MARCHF8: variants seen among roughly 807,000 people sequenced by gnomAD.
MARCHF8 encodes the protein E3 ubiquitin-protein ligase MARCHF8.
MARCHF8 carries 40 observed loss-of-function variants against 51.6 expected under a neutral mutation model. That is an observed-to-expected ratio of 0.77 (90% confidence interval 0.60 to 1.01). The LOEUF (loss-of-function observed/expected upper bound fraction) is 1.01, where lower values mean the gene tolerates loss of function less well. Among genes scored for constraint, MARCHF8 ranks in the 50% least tolerant of loss-of-function variants. MARCHF8 has a pLI of 0.00. For synonymous variants in MARCHF8, 263 were observed against 280.3 expected (o/e 0.94, Z 0.62); for missense variants, 685 against 708.6 (o/e 0.97, Z 0.38).
rs115215757 is a variant in MARCHF8, at chr10:45,485,435, T to G, written c.153+3932A>C. Among the ~76,000 whole-genome samples the G allele has an allele frequency of 6.7e-3, 1,028 of 152,304 alleles. 9 individuals are homozygous for G. Among genetic ancestry groups the G allele is most frequent in the African/African-American group, 0.024 (979 of 41,554 alleles). On this transcript the variant is annotated intron_variant, in intron 3 of 7. Coordinates refer to ENST00000453424, the MANE Select transcript of MARCHF8 (RefSeq NM_001282866.2). ...TACAAAATAAGTATTGGGTGAAGAC[T>G]TTGCCATTGTAATTGCTTAAATATC... is the stretch of plus-strand genomic sequence containing the variant.
chr10:45,462,546 T>C (rs758884779), intron 5 of MARCHF8, among the ~76,000 whole-genome samples: 3 of 152,134 alleles, frequency 2.0e-5, no homozygotes, highest in Admixed American at 1.3e-4. Context: ...AGTTTCTTTA[T>C]GCAAAGTCTA....
intron 3 of MARCHF8, among the ~76,000 whole-genome samples, chr10:45,488,493 T>A (rs923969015): frequency 6.6e-6 from 1 of 152,000 alleles, no homozygotes; most frequent in African/African-American, 2.4e-5. Context: ...CGAAGACCCA[T>A]GGGACGTGAC....
At chr10:45,575,346 G>A (rs2044477730) in intron 1 of MARCHF8, among the ~76,000 whole-genome samples, 1 of 151,976 alleles carries the variant, frequency 6.6e-6, no homozygotes, top group African/African-American at 2.4e-5. Flanking sequence ...AGGGTTTTTG[G>A]ACCAAGGAAA....
chr10:45,589,079 A>T (rs1041721354), intron 1 of MARCHF8, among the ~76,000 whole-genome samples: 4 of 152,028 alleles, frequency 2.6e-5, no homozygotes, highest in African/African-American at 9.7e-5. Context: ...ACTAAAATTT[A>T]AAAAATACAC....
intron 2 of MARCHF8, among the ~76,000 whole-genome samples, chr10:45,528,660 T>C (rs556674794): frequency 6.6e-6 from 1 of 152,242 alleles, no homozygotes; most frequent in African/African-American, 2.4e-5. Flanking sequence ...GAGGAATCAG[T>C]AGCATTTCTA....
chr10:45,589,168 T>C (rs1418332421), intron 1 of MARCHF8, among the ~76,000 whole-genome samples: 1 of 152,136 alleles, frequency 6.6e-6, no homozygotes, highest in East Asian at 1.9e-4. Context: ...ACAATGGACA[T>C]TTATTACCTC....
intron 1 of MARCHF8, among the ~76,000 whole-genome samples, chr10:45,588,350 T>C (rs2044640471): frequency 6.6e-6 from 1 of 152,144 alleles, no homozygotes; most frequent in South Asian, 2.1e-4. Flanking sequence ...CAAGAACGGG[T>C]TGGCTTCTAT....
chr10:45,515,654 A>G (rs1343894504), intron 2 of MARCHF8, among the ~76,000 whole-genome samples: 4 of 152,186 alleles, frequency 2.6e-5, no homozygotes, highest in African/African-American at 4.8e-5. Context: ...ACAAGCACTG[A>G]GCCTTTCACT....
At chr10:45,547,613 G>GGTTTTTTTGTTTTTT (rs2044143385) in intron 1 of MARCHF8, among the ~76,000 whole-genome samples, 1 of 152,080 alleles carries the variant, frequency 6.6e-6, no homozygotes, top group Non-Finnish European at 1.5e-5. Context: ...AATATGTAGC[G>GGTTTTTTTGTTTTTT]GTTTTTTTGT....
At chr10:45,546,711 G>A (rs1428009831) in intron 1 of MARCHF8, among the ~76,000 whole-genome samples, 1 of 151,304 alleles carries the variant, frequency 6.6e-6, no homozygotes, top group South Asian at 2.1e-4. Context: ...GAGCCCAGGG[G>A]ACAGAGGTTG....
chr10:45,522,162 A>G (rs537366612), intron 2 of MARCHF8, among the ~76,000 whole-genome samples: 1 of 152,318 alleles, frequency 6.6e-6, no homozygotes, highest in East Asian at 1.9e-4. Flanking sequence ...AACTCTGCAT[A>G]TTAATTTAAT....
chr10:45,577,033 A>C (rs1339610461), intron 1 of MARCHF8, among the ~76,000 whole-genome samples: 1 of 151,814 alleles, frequency 6.6e-6, no homozygotes, highest in Non-Finnish European at 1.5e-5. Context: ...TGAGGACTTT[A>C]TGAGGTGATT....
chr10:45,532,161 T>C (rs183280747), intron 2 of MARCHF8, among the ~76,000 whole-genome samples: 2 of 152,270 alleles, frequency 1.3e-5, no homozygotes, highest in East Asian at 3.9e-4. Context: ...CCAATACCAA[T>C]AAAAATCCCC....
chr10:45,473,049 A>T (rs569782455), intron 3 of MARCHF8, among the ~76,000 whole-genome samples: 2 of 152,216 alleles, frequency 1.3e-5, no homozygotes, highest in Non-Finnish European at 2.9e-5. Context: ...AAACAGAAAG[A>T]AGCAAACCCT....
In MARCHF8 at chr10:45,463,429, G is replaced by T; in HGVS notation, c.810C>A (p.Ser270Arg). Residue 270 changes from serine (S) to arginine (R), a missense_variant, in exon 5 of 8, where the codon AGC becomes AGA. Coordinates refer to ENST00000453424, the MANE Select transcript of MARCHF8 (RefSeq NM_001282866.2). Reference protein sequence around the residue: ...QYLFSLSHGLSASSLHRFHEL... With the variant: ...QYLFSLSHGLRASSLHRFHEL... ...CATGGAACCTGTGCAGGCTGCTGGC[G>T]CTCAAGCCGTGCGAGAGTGAGAACA... The T allele has an allele frequency of 6.4e-7, 1 of 1,550,618 alleles. No individual in the cohort carries two copies. Among genetic ancestry groups the T allele is most frequent in the South Asian group, 1.2e-5 (1 of 84,066 alleles).
chr10:45,546,166 A>G (rs1402773297), intron 1 of MARCHF8, among the ~76,000 whole-genome samples: 2 of 151,294 alleles, frequency 1.3e-5, no homozygotes, highest in African/African-American at 4.9e-5. Flanking sequence ...TTATTTATTT[A>G]TTTATTTATT....
In MARCHF8 at chr10:45,458,118, C is replaced by G; in HGVS notation, c.*121G>C. 1 of 1,064,882 alleles carries G rather than the reference C, an allele frequency of 9.4e-7. No homozygotes were observed. 66.0% of individuals were successfully genotyped at this position (1,064,882 alleles called of 1,614,324 possible). A position where few individuals can be genotyped will look rare whatever the true frequency, so the allele number is the denominator to read the frequency against. ...GGAGGGTTTAGAAAAAGAGAAGCCA[C>G]TATAAATAGTCACCTGTCCAGTCTA... On this transcript the variant is annotated 3_prime_UTR_variant, in exon 8 of 8. Coordinates refer to ENST00000453424, the MANE Select transcript of MARCHF8 (RefSeq NM_001282866.2).
At chr10:45,516,663 T>C (rs1183044446) in intron 2 of MARCHF8, among the ~76,000 whole-genome samples, 4 of 151,992 alleles carry the variant, frequency 2.6e-5, no homozygotes, top group African/African-American at 4.8e-5. Context: ...ACTTAGGAAG[T>C]TGATGCAGGA....
chr10:45,514,971 T>A (rs982745214), intron 2 of MARCHF8, among the ~76,000 whole-genome samples: 1 of 152,170 alleles, frequency 6.6e-6, no homozygotes, highest in African/African-American at 2.4e-5. Flanking sequence ...GATCAGTTCC[T>A]GCAGACCATC....
Sources: gnomAD v4.1 joint callset for allele counts (sites outside exome capture counted in the v4.1 genomes callset) on GRCh38, gnomAD v4.1.1 for gene constraint, MANE v1.5 for transcripts, NCBI Gene and HGNC (gene_info 2026-07-23, HGNC 2026-07-21) for gene names.